The following EBF1 variants were observed in gnomAD, a reference collection of about 807,000 sequenced individuals.
EBF1 encodes the protein EBF transcription factor 1.
A neutral mutation model predicts 68.4 loss-of-function variants in EBF1; 10 were observed. The ratio of observed to expected loss-of-function variants is 0.15; its 90% CI spans 0.09 to 0.25. EBF1 has a LOEUF of 0.25. EBF1 is among the 10% of genes least tolerant of loss of function. The pLI, the probability that EBF1 is intolerant of heterozygous loss-of-function variation, is 1.00. For synonymous variants in EBF1, 298 were observed against 299.8 expected (o/e 0.99, Z 0.06); for missense variants, 509 against 794.4 (o/e 0.64, Z 4.32).
In EBF1 at chr5:158,877,313, C is replaced by T. The variant is rs556018425; in HGVS notation, c.555-37203G>A. Reference sequence around the variant, plus strand: ...CCTGAATGGGTTAATCTTTTCTTTTCCTTATTTCGACAGCCATGTTTACCT... The same window carrying T: ...CCTGAATGGGTTAATCTTTTCTTTTTCTTATTTCGACAGCCATGTTTACCT... On this transcript the variant is annotated intron_variant, in intron 6 of 15. Coordinates refer to ENST00000313708, the MANE Select transcript of EBF1 (RefSeq NM_024007.5). Among the ~76,000 whole-genome samples, 333 of 152,294 alleles carry T rather than the reference C, an allele frequency of 2.2e-3. 2 individuals carry two copies. The highest frequency in any genetic ancestry group is 6.9e-3 in the African/African-American group (287 of 41,552).
At chr5:159,034,111 A>G (rs1280092608) in intron 6 of EBF1, among the ~76,000 whole-genome samples, 1 of 152,230 alleles carries the variant, frequency 6.6e-6, no homozygotes, top group Non-Finnish European at 1.5e-5. Context: ...CATCAAAAAA[A>G]CTGCTTCAAA....
intron 3 of EBF1, 85 bp from the exon 4 acceptor site, chr5:159,095,760 T>C (rs903305216): frequency 3.5e-6 from 5 of 1,435,916 alleles, no homozygotes; most frequent in Middle Eastern, 1.7e-4. Flanking sequence ...CAACAAAAAA[T>C]AACAACAAAA....
intron 9 of EBF1, among the ~76,000 whole-genome samples, chr5:158,792,501 C>A (rs951773864): frequency 3.9e-5 from 6 of 152,172 alleles, no homozygotes; most frequent in Non-Finnish European, 7.4e-5. Context: ...TTAAAAAATT[C>A]TTTAGCTAAA....
chr5:158,714,718 G>A (rs1214115902), intron 11 of EBF1, among the ~76,000 whole-genome samples: 6 of 152,050 alleles, frequency 3.9e-5, no homozygotes, highest in Non-Finnish European at 8.8e-5. Context: ...ACATACTGAG[G>A]CAATGCACTG....
intron 11 of EBF1, among the ~76,000 whole-genome samples, chr5:158,714,974 C>G (rs1488772051): frequency 6.6e-6 from 1 of 152,028 alleles, no homozygotes; most frequent in South Asian, 2.1e-4. Flanking sequence ...ATGCTTGGTT[C>G]TAATAATAGG....
intron 9 of EBF1, among the ~76,000 whole-genome samples, chr5:158,789,919 A>C (rs1465795505): frequency 1.3e-5 from 2 of 152,192 alleles, no homozygotes; most frequent in East Asian, 3.8e-4. Context: ...GATAGATAGG[A>C]AGAAAGAAAG....
chr5:158,936,541 C>T (rs1376140023), intron 6 of EBF1, among the ~76,000 whole-genome samples: 3 of 152,218 alleles, frequency 2.0e-5, no homozygotes, highest in South Asian at 2.1e-4. Context: ...GGATGGCACA[C>T]GGTAGGCTTC....
At chr5:158,859,665 G>C (rs983000269) in intron 6 of EBF1, among the ~76,000 whole-genome samples, 4 of 152,114 alleles carry the variant, frequency 2.6e-5, no homozygotes, top group Non-Finnish European at 5.9e-5. Context: ...TCATCATTTT[G>C]GCCCCGGAAG....
rs546436568 is a variant in EBF1, at chr5:158,963,372, T to G, written c.554+110024A>C. The stretch of plus-strand genomic sequence containing the variant: ...ATGACAGTACAGGTTCTTTGAAGGT[T>G]TCATCTCCTACATTGGATGACAGTA... On this transcript the variant is annotated intron_variant, in intron 6 of 15. Transcript: ENST00000313708. Among the ~76,000 whole-genome samples, 33 of 152,354 alleles carry G rather than the reference T, an allele frequency of 2.2e-4. No homozygotes were observed. The East Asian group carries it at 6.4e-3, about 29-fold the overall frequency.
intron 6 of EBF1, among the ~76,000 whole-genome samples, chr5:158,904,611 C>T (rs1294931544): frequency 6.6e-6 from 1 of 152,194 alleles, no homozygotes; most frequent in Non-Finnish European, 1.5e-5. Context: ...AGTTGGGAAC[C>T]GAAATTAGAA....
At chr5:158,746,979 C>T (rs954414181) in intron 10 of EBF1, among the ~76,000 whole-genome samples, 7 of 152,172 alleles carry the variant, frequency 4.6e-5, no homozygotes, top group East Asian at 3.8e-4. Flanking sequence ...CTTTTAGATA[C>T]GAATACATTC....
chr5:158,700,621 C>G (rs573463750), intron 15 of EBF1, among the ~76,000 whole-genome samples: 1 of 150,378 alleles, frequency 6.6e-6, no homozygotes, highest in African/African-American at 2.5e-5. Flanking sequence ...GGCTTCCCCA[C>G]CCCCACCCCT....
intron 10 of EBF1, 70 bp from the exon 11 acceptor site, chr5:158,731,227 T>C: frequency 7.0e-7 from 1 of 1,432,494 alleles, no homozygotes. Context: ...GCAACACTAA[T>C]GGTGTGGAAA....
chr5:158,971,053 C>A (rs1755550307), intron 6 of EBF1, among the ~76,000 whole-genome samples: 1 of 152,146 alleles, frequency 6.6e-6, no homozygotes, highest in Admixed American at 6.5e-5. Context: ...GAGGGAGGGG[C>A]AATACCGGGT....
intron 6 of EBF1, among the ~76,000 whole-genome samples, chr5:158,852,570 C>A (rs77133411): frequency 0.012 from 1,832 of 152,292 alleles, 36 homozygotes; most frequent in African/African-American, 0.042. Flanking sequence ...GAGCATCATG[C>A]CCACAGAGCA....
chr5:158,882,391 A>C (rs1248403427), intron 6 of EBF1, among the ~76,000 whole-genome samples: 1 of 152,196 alleles, frequency 6.6e-6, no homozygotes, highest in Admixed American at 6.5e-5. Context: ...TTTTCTCCTT[A>C]AAATGAGTTG....
At chr5:158,983,428 T>A (rs1221745541) in intron 6 of EBF1, 7 of 152,194 alleles carry the variant, frequency 4.6e-5, no homozygotes, top group Admixed American at 2.0e-4. Flanking sequence ...GCAGGAGGCA[T>A]CTTTTCCCAA....
intron 11 of EBF1, among the ~76,000 whole-genome samples, chr5:158,719,712 C>T (rs1052252305): frequency 6.6e-6 from 1 of 152,146 alleles, no homozygotes; most frequent in Admixed American, 6.6e-5. Flanking sequence ...GTTCATAGCA[C>T]ATATAGGCTG....
At chr5:159,077,429 C>T (rs191498597) in intron 5 of EBF1, among the ~76,000 whole-genome samples, 98 of 152,128 alleles carry the variant, frequency 6.4e-4, no homozygotes, top group Non-Finnish European at 1.2e-3. Context: ...AGCAAAACTC[C>T]GTCTCAAAAA....
Sources: allele counts gnomAD v4.1 joint callset (sites outside exome capture counted in the v4.1 genomes callset), GRCh38; gene constraint gnomAD v4.1.1; transcripts MANE v1.5; gene names NCBI Gene and HGNC (gene_info 2026-07-23, HGNC 2026-07-21).